TRRAP: variants seen among roughly 807,000 people sequenced by gnomAD.
TRRAP encodes transformation/transcription domain associated protein, also known as transformation/transcription domain-associated protein.
TRRAP carries 41 observed loss-of-function variants against 438.8 expected under a neutral mutation model. The observed-to-expected ratio is 0.09, with a 90% confidence interval of 0.07 to 0.12. TRRAP has a LOEUF of 0.12. Among genes scored for constraint, TRRAP ranks in the 10% least tolerant of loss-of-function variants. The pLI is 1.00. For synonymous variants in TRRAP, 1,994 were observed against 1,962.9 expected (o/e 1.02, Z -0.42); for missense variants, 3,122 against 5,055.1 (o/e 0.62, Z 11.60).
At chr7:98,932,759 ATAGT>A (rs1191682807) in intron 26 of TRRAP, among the ~76,000 whole-genome samples, 1 of 152,020 alleles carries the variant, frequency 6.6e-6, no homozygotes, top group African/African-American at 2.4e-5. Context: ...TTACACTTTA[ATAGT>A]TTGTTTTTTC....
At chr7:98,958,615 A>T (rs1189713805) in intron 44 of TRRAP, among the ~76,000 whole-genome samples, 1 of 152,100 alleles carries the variant, frequency 6.6e-6, no homozygotes, top group Non-Finnish European at 1.5e-5. Flanking sequence ...GGATTTTTTT[A>T]AAAAGCATTT....
At position 98,956,603 on chromosome 7, in the gene TRRAP, T is replaced by A. The variant is rs1240429142; in HGVS notation, c.6231+70T>A. On this transcript the variant is annotated intron_variant, in intron 43 of 72. Transcript: ENST00000456197. This position sits in a 1 kb window ranked among gnomAD's most constrained non-coding sequence, Gnocchi z 4.5. Reference sequence around the variant, plus strand: ...AGTTGGTTCGTTTATTCCCTATATTTAGAATGTGAGCTCGGTGCTCAGCTG... The same window carrying A: ...AGTTGGTTCGTTTATTCCCTATATTAAGAATGTGAGCTCGGTGCTCAGCTG... 4.8e-5 allele frequency: 74 copies of A among 1,553,294 alleles called. No individual in the cohort carries two copies. The highest frequency in any genetic ancestry group is 1.0e-4 in the Admixed American group (5 of 50,060).
chr7:98,943,871 G>A (rs143564706), intron 31 of TRRAP, among the ~76,000 whole-genome samples: 6 of 152,188 alleles, frequency 3.9e-5, no homozygotes, highest in African/African-American at 7.2e-5. Context: ...TTTTGTCCTC[G>A]TGTGCCTTTG....
intron 67 of TRRAP, among the ~76,000 whole-genome samples, chr7:99,003,633 GA>G (rs1794032006): frequency 6.6e-6 from 1 of 152,210 alleles, no homozygotes; most frequent in Non-Finnish European, 1.5e-5. Context: ...TGGGGTTGGG[GA>G]TGGGGTTTCA....
chr7:98,879,575 C>G (rs1041499680), intron 1 of TRRAP, among the ~76,000 whole-genome samples: 7 of 152,094 alleles, frequency 4.6e-5, no homozygotes. Flanking sequence ...TGGGGATGGG[C>G]AGGGAGAGTC....
intron 7 of TRRAP, among the ~76,000 whole-genome samples, chr7:98,896,998 G>A (rs563980533): frequency 6.6e-6 from 1 of 152,182 alleles, no homozygotes; most frequent in African/African-American, 2.4e-5. Flanking sequence ...ACTTTGGGAG[G>A]CCCAGGTGGG....
At chr7:99,006,256 T>C (rs1376230033) in intron 69 of TRRAP, among the ~76,000 whole-genome samples, 1 of 152,234 alleles carries the variant, frequency 6.6e-6, no homozygotes, top group Non-Finnish European at 1.5e-5. Context: ...CCCGCTGCAA[T>C]GTATGTTATC....
At chr7:98,990,346 C>A in intron 63 of TRRAP, 109 bp from the exon 64 acceptor site, 1 of 1,139,206 alleles carries the variant, frequency 8.8e-7, no homozygotes. Flanking sequence ...ACTTTTTTTA[C>A]ATGGCCAGTA....
Position 98,957,153 on chromosome 7 carries a change from C to T in TRRAP, c.6231+620C>T, listed in dbSNP as rs545455828. On this transcript the variant is annotated intron_variant, in intron 43 of 72. Transcript: ENST00000456197. ...TTGGCCTCGCTCCACACATCTGGTC[C>T]GGAGCAAGTCTCACTCTGCCGCAAA... Among the ~76,000 whole-genome samples the T allele has an allele frequency of 8.1e-4, 124 of 152,284 alleles. 1 individual carries two copies. Among genetic ancestry groups the T allele is most frequent in the Admixed American group, 4.1e-3 (63 of 15,290 alleles).
At chr7:98,955,437 GTTTGTGTA>G (rs1554419398) in intron 41 of TRRAP, 133 bp downstream of exon 41, 3 of 928,402 alleles carry the variant, frequency 3.2e-6, no homozygotes, top group Admixed American at 2.6e-5. Flanking sequence ...TCATTGATTA[GTTTGTGTA>G]TGTGTGTATG....
At chr7:98,986,838 C>T (rs1793170275) in intron 62 of TRRAP, among the ~76,000 whole-genome samples, 1 of 152,190 alleles carries the variant, frequency 6.6e-6, no homozygotes, top group South Asian at 2.1e-4. Flanking sequence ...TTAGCTCTTA[C>T]ATTTGGGTCT....
At chr7:98,924,539 A>G (rs1214996711) in intron 21 of TRRAP, among the ~76,000 whole-genome samples, 1 of 148,590 alleles carries the variant, frequency 6.7e-6, no homozygotes, top group Non-Finnish European at 1.5e-5. Flanking sequence ...TACAAAAAAA[A>G]TTAGCCGGGT....
At chr7:98,945,085 G>A (rs73155641) in intron 31 of TRRAP, among the ~76,000 whole-genome samples, 4,170 of 152,310 alleles carry the variant, frequency 0.027, 82 homozygotes, top group South Asian at 0.055. Context: ...GATTACAGGC[G>A]TGAGTGACAG....
rs1796931294 is a variant in TRRAP, at chr7:98,909,068, G to C, written c.1350+106G>C. 6 of 1,093,500 alleles carry C rather than the reference G, an allele frequency of 5.5e-6. No individual in the cohort carries two copies. In the Admixed American group the frequency reaches 1.6e-4, roughly 29 times the overall value. The allele number at this position is 1,093,500 out of a possible 1,614,324, so 67.7% of individuals were successfully genotyped here. A position where few individuals can be genotyped will look rare whatever the true frequency, so the allele number is the denominator to read the frequency against. Reference sequence around the variant, plus strand: ...AGACAGATCCTTGTTCTGTTGCCTAGGCTGAAGTGCAGTGGCGTGATCTCA... The same window carrying C: ...AGACAGATCCTTGTTCTGTTGCCTACGCTGAAGTGCAGTGGCGTGATCTCA... On this transcript the variant is annotated intron_variant, in intron 14 of 72. Transcript: ENST00000456197.
intron 67 of TRRAP, among the ~76,000 whole-genome samples, chr7:99,002,527 C>T (rs146422047): frequency 0.011 from 1,746 of 152,254 alleles, 13 homozygotes; most frequent in Non-Finnish European, 0.016. Flanking sequence ...CTTGGTCCAG[C>T]GTGGAGAGGG....
rs1333262948 is a variant in TRRAP, at chr7:98,910,038, A to C, written c.1351-18A>C. On this transcript the variant is annotated intron_variant, in intron 14 of 72. Transcript: ENST00000456197. ...AAGAATAATTCTGTCTTCCCTCTTG[A>C]ATTTCTCTTCCCGTTAGGTTTTCGT... 6.5e-7 allele frequency: 1 copy of C among 1,534,292 alleles called. No homozygotes were observed. Among genetic ancestry groups the C allele is most frequent in the Non-Finnish European group, 8.8e-7 (1 of 1,139,880 alleles).
At position 98,927,412 on chromosome 7, in the gene TRRAP, T is replaced by C. The variant is rs782007371; in HGVS notation, c.3175+46T>C. 3.8e-6 allele frequency: 6 copies of C among 1,586,646 alleles called. No homozygotes were observed. The South Asian group carries it at 5.7e-5, about 15-fold the overall frequency. On this transcript the variant is annotated intron_variant, in intron 23 of 72. Transcript: ENST00000456197. Reference sequence around the variant, plus strand: ...GGGCACGGGATTGGTTCTTTGACTTTTATAGGTGCTTTAAAAACTTGCTCA... The same window carrying C: ...GGGCACGGGATTGGTTCTTTGACTTCTATAGGTGCTTTAAAAACTTGCTCA...
intron 31 of TRRAP, 147 bp from the exon 32 acceptor site, chr7:98,945,600 G>A: frequency 2.3e-6 from 2 of 854,252 alleles, no homozygotes; most frequent in Middle Eastern, 3.5e-4. Context: ...TTGCTGTTGA[G>A]CATTTGTTAA....
chr7:98,979,048 T>A, intron 58 of TRRAP, 144 bp downstream of exon 58: 2 of 975,764 alleles, frequency 2.0e-6, no homozygotes, highest in Non-Finnish European at 3.0e-6. Flanking sequence ...TTTGATTGTC[T>A]AACACCTTTC....
Sources: gnomAD v4.1 joint callset for allele counts (sites outside exome capture counted in the v4.1 genomes callset) on GRCh38, gnomAD v4.1.1 for gene constraint, Gnocchi (gnomAD v3.1) non-coding constraint, MANE v1.5 for transcripts, NCBI Gene and HGNC (gene_info 2026-07-23, HGNC 2026-07-21) for gene names.